Variants in TRAM2 observed in about 807,000 individuals in gnomAD.
TRAM2 encodes the protein translocation associated membrane protein 2, also known as translocating chain-associated membrane protein 2.
TRAM2 carries 12 observed loss-of-function variants against 51.0 expected under a neutral mutation model. The ratio of observed to expected loss-of-function variants is 0.24; its 90% confidence interval spans 0.15 to 0.38. The LOEUF is 0.38. Among genes scored for constraint, TRAM2 ranks in the 10% least tolerant of loss-of-function variants. The probability of loss-of-function intolerance (pLI) is 1.00; values close to 1 mark genes in which losing one functional copy is unlikely to be tolerated. For synonymous variants in TRAM2, 175 were observed against 179.4 expected (o/e 0.98, Z 0.20); for missense variants, 361 against 462.0 (o/e 0.78, Z 2.00).
intron 2 of TRAM2, among the ~76,000 whole-genome samples, chr6:52,518,831 TA>T: frequency 6.6e-6 from 1 of 152,330 alleles, no homozygotes; most frequent in Middle Eastern, 3.4e-3. Flanking sequence ...ATTTTGAAAT[TA>T]TAAAATAACT....
intron 1 of TRAM2, among the ~76,000 whole-genome samples, chr6:52,557,220 A>C (rs1021680589): frequency 5.3e-5 from 8 of 150,762 alleles, no homozygotes; most frequent in Admixed American, 4.6e-4. Context: ...CTGGTGAGGA[A>C]CGGATGCACC....
chr6:52,576,920 G>A lies in TRAM2; in HGVS notation c.-5C>T, dbSNP rs1767779377. 6.2e-7 allele frequency: 1 copy of A among 1,609,974 alleles called. No homozygotes were observed. The highest frequency in any genetic ancestry group is 1.3e-5 in the African/African-American group (1 of 74,960). On this transcript the variant is annotated 5_prime_UTR_variant, in exon 1 of 11. Transcript: ENST00000182527. ...CGTCCTCCTGCGGAAAGCCATGGCAGCGGGCGCGCAGCGGCCGGCGGGGCC... is the reference window on the plus strand; with the variant it reads ...CGTCCTCCTGCGGAAAGCCATGGCAACGGGCGCGCAGCGGCCGGCGGGGCC...
chr6:52,510,475 T>C (rs1202824907), intron 4 of TRAM2, among the ~76,000 whole-genome samples: 3 of 152,208 alleles, frequency 2.0e-5, no homozygotes, highest in Admixed American at 6.5e-5. Flanking sequence ...GCACTAGTTA[T>C]GGGCCAGGGT....
intron 2 of TRAM2, among the ~76,000 whole-genome samples, chr6:52,528,578 G>T (rs1241411346): frequency 1.3e-5 from 2 of 152,234 alleles, no homozygotes; most frequent in East Asian, 3.9e-4. Flanking sequence ...AGGTTGTTTT[G>T]ACTGCAGCAA....
chr6:52,544,656 G>T (rs1767166503), intron 1 of TRAM2, among the ~76,000 whole-genome samples: 2 of 152,238 alleles, frequency 1.3e-5, no homozygotes, highest in Non-Finnish European at 2.9e-5. Flanking sequence ...AGAACTTCAT[G>T]ATGATGATTT....
At chr6:52,554,187 C>A (rs1767360285) in intron 1 of TRAM2, among the ~76,000 whole-genome samples, 1 of 152,138 alleles carries the variant, frequency 6.6e-6, no homozygotes, top group Admixed American at 6.5e-5. Flanking sequence ...CTTACTGCAC[C>A]CCTGGGAAGG....
chr6:52,568,984 G>A (rs1562490725), intron 1 of TRAM2, among the ~76,000 whole-genome samples: 1 of 152,178 alleles, frequency 6.6e-6, no homozygotes, highest in Non-Finnish European at 1.5e-5. Flanking sequence ...AAAGACATTA[G>A]AGATCATGTT....
intron 1 of TRAM2, among the ~76,000 whole-genome samples, chr6:52,550,152 C>A (rs1364819282): frequency 1.3e-5 from 2 of 152,192 alleles, no homozygotes; most frequent in Non-Finnish European, 2.9e-5. Flanking sequence ...AAGGGGTATT[C>A]ATCACCTGGC....
rs968915865 is a variant in TRAM2 at position 52,535,456 on chromosome 6, G to A, written c.184+327C>T. On this transcript the variant is annotated intron_variant, in intron 2 of 10. Transcript: ENST00000182527. ...CCAGCACTTTGGGAGGCCAAGGCAGGTAGATCACGAGGTCACGAGTTCGAG... is the reference window on the plus strand; with the variant it reads ...CCAGCACTTTGGGAGGCCAAGGCAGATAGATCACGAGGTCACGAGTTCGAG... Among the ~76,000 whole-genome samples the A allele has an allele frequency of 2.6e-5, 4 of 152,360 alleles. No individual in the cohort carries two copies. In the South Asian group the frequency reaches 8.3e-4, roughly 32 times the overall value.
chr6:52,522,998 G>A, intron 2 of TRAM2: 1 of 687,932 alleles, frequency 1.5e-6, no homozygotes, highest in Non-Finnish European at 2.6e-6. Flanking sequence ...ACTTCTTACT[G>A]ACATCCCATC....
chr6:52,558,487 T>C (rs962370515), intron 1 of TRAM2, among the ~76,000 whole-genome samples: 6 of 152,226 alleles, frequency 3.9e-5, no homozygotes, highest in Non-Finnish European at 7.3e-5. Context: ...TTGCACAATG[T>C]GGATGTGCTT....
intron 5 of TRAM2, 22 bp from the exon 6 acceptor site, chr6:52,508,340 A>C (rs1234423360): frequency 6.2e-7 from 1 of 1,611,146 alleles, no homozygotes; most frequent in Non-Finnish European, 8.5e-7. Context: ...GGGGCAAGTC[A>C]CACGGGCAGG....
chr6:52,559,722 A>G (rs2114102926), intron 1 of TRAM2, among the ~76,000 whole-genome samples: 1 of 152,322 alleles, frequency 6.6e-6, no homozygotes, highest in South Asian at 2.1e-4. Flanking sequence ...GATTGCTAGA[A>G]CCTAAACACT....
At chr6:52,516,774 G>A (rs577124695) in intron 2 of TRAM2, 37 bp from the exon 3 acceptor site, 1 of 1,529,654 alleles carries the variant, frequency 6.5e-7, no homozygotes, top group African/African-American at 1.4e-5. Context: ...GCATCCCTGG[G>A]GGAAGGAAAT....
intron 1 of TRAM2, among the ~76,000 whole-genome samples, chr6:52,556,920 T>C (rs1767416388): frequency 1.9e-5 from 2 of 107,708 alleles, no homozygotes; most frequent in Admixed American, 2.4e-4. Flanking sequence ...AGAGTGAGAC[T>C]CCATCTCAAA....
At position 52,500,003 on chromosome 6, in the gene TRAM2, C is replaced by T. The variant is rs1173335920; in HGVS notation, c.*3194G>A. 3 of 152,218 alleles carry T rather than the reference C, an allele frequency of 2.0e-5. No individual in the cohort carries two copies. Among genetic ancestry groups the T allele is most frequent in the Non-Finnish European group, 4.4e-5 (3 of 68,062 alleles). 9.4% of individuals were successfully genotyped at this position (152,218 alleles called of 1,614,324 possible). On this transcript the variant is annotated 3_prime_UTR_variant, in exon 11 of 11. Transcript: ENST00000182527. ...AAAAATAACTCCCATCATCACTGCA[C>T]CTCCAAGGAGGGGAGCGGGTAGCAC...
chr6:52,541,861 G>A (rs1241213941), intron 1 of TRAM2, among the ~76,000 whole-genome samples: 1 of 149,110 alleles, frequency 6.7e-6, no homozygotes, highest in Non-Finnish European at 1.5e-5. Flanking sequence ...GGCTGTGTGG[G>A]CAGACCAGCC....
intron 1 of TRAM2, among the ~76,000 whole-genome samples, chr6:52,570,798 C>CG (rs368081919): frequency 8.7e-6 from 1 of 114,588 alleles, no homozygotes; most frequent in Non-Finnish European, 1.9e-5. Flanking sequence ...GCCCACCACC[C>CG]CCCCCCCCAC....
chr6:52,559,864 GT>G (rs1190010055), intron 1 of TRAM2, among the ~76,000 whole-genome samples: 6 of 151,456 alleles, frequency 4.0e-5, no homozygotes, highest in Admixed American at 6.6e-5. Flanking sequence ...CTTATCTCAA[GT>G]TTTTTTTTCC....
Sources: gnomAD v4.1 joint callset for allele counts (sites outside exome capture counted in the v4.1 genomes callset) on GRCh38, gnomAD v4.1.1 for gene constraint, MANE v1.5 for transcripts, NCBI Gene and HGNC (gene_info 2026-07-23, HGNC 2026-07-21) for gene names.